Variants in SPAG16 observed in about 807,000 individuals in gnomAD.
SPAG16 encodes sperm associated antigen 16.
In SPAG16, 86 loss-of-function variants were observed where a neutral mutation model predicts 80.4. The observed-to-expected ratio is 1.07, with a 90% CI of 0.90 to 1.28. The LOEUF is 1.28. Ranked by LOEUF, SPAG16 falls within the 50% of genes most tolerant of loss-of-function variation. SPAG16 has a pLI of 0.00. For missense variants in SPAG16, 870 were observed against 765.3 expected, an observed-to-expected ratio of 1.14 and a Z score of -1.61; for synonymous variants, 294 against 265.9, an observed-to-expected ratio of 1.11 and a Z score of -1.03.
rs111464292 is a variant in SPAG16 at position 213,556,673 on chromosome 2, A to C, written c.1070+66583A>C. On this transcript the variant is annotated intron_variant, in intron 10 of 15. Transcript: ENST00000331683. ...GACTTCAATATCCAACTTTCAACAAAGAATACATCATCCAGACTAGAAAAA... is the reference window on the plus strand; with the variant it reads ...GACTTCAATATCCAACTTTCAACAACGAATACATCATCCAGACTAGAAAAA... 7.9e-4 allele frequency among the ~76,000 whole-genome samples: 120 copies of C among 152,274 alleles called. 2 individuals carry two copies. The highest frequency in any genetic ancestry group is 3.4e-3 in the Middle Eastern group (1 of 294).
intron 14 of SPAG16, among the ~76,000 whole-genome samples, chr2:214,131,168 G>A (rs1479111788): frequency 6.6e-6 from 1 of 151,982 alleles, no homozygotes; most frequent in African/African-American, 2.4e-5. Flanking sequence ...ACTTCTGAGA[G>A]TTTGACAACA....
intron 10 of SPAG16, among the ~76,000 whole-genome samples, chr2:213,840,933 A>G (rs527453601): frequency 7.0e-4 from 107 of 152,340 alleles, no homozygotes; most frequent in African/African-American, 2.5e-3. Flanking sequence ...GAATAAAGCC[A>G]TGCTGAGGCC....
intron 15 of SPAG16, among the ~76,000 whole-genome samples, chr2:214,331,306 G>A (rs774377017): frequency 7.2e-5 from 11 of 152,258 alleles, no homozygotes; most frequent in South Asian, 2.1e-4. Context: ...AGCTCTTCCT[G>A]ATCATCAAGG....
chr2:213,688,739 A>AT (rs921506457), intron 10 of SPAG16, among the ~76,000 whole-genome samples: 19 of 150,858 alleles, frequency 1.3e-4, no homozygotes, highest in East Asian at 5.8e-4. Flanking sequence ...TGCTCTGTTA[A>AT]TTTTTTTTTC....
chr2:213,290,786 A>G (rs2062236946), intron 1 of SPAG16, among the ~76,000 whole-genome samples: 1 of 152,206 alleles, frequency 6.6e-6, no homozygotes, highest in Non-Finnish European at 1.5e-5. Flanking sequence ...GAGTGTACAG[A>G]GTTTTATCAT....
intron 10 of SPAG16, among the ~76,000 whole-genome samples, chr2:213,661,740 T>C (rs770450524): frequency 3.9e-5 from 6 of 152,218 alleles, no homozygotes; most frequent in Non-Finnish European, 7.4e-5. Flanking sequence ...TTAATGATAA[T>C]GTTATTGTTT....
chr2:214,248,472 C>T (rs984534810), intron 15 of SPAG16, among the ~76,000 whole-genome samples: 3 of 151,866 alleles, frequency 2.0e-5, no homozygotes, highest in African/African-American at 7.3e-5. Flanking sequence ...CGTGTGACAC[C>T]ACACCCAGCT....
intron 9 of SPAG16, among the ~76,000 whole-genome samples, chr2:213,444,868 T>G (rs1397645509): frequency 6.6e-6 from 1 of 152,052 alleles, no homozygotes; most frequent in Non-Finnish European, 1.5e-5. Flanking sequence ...ACCCAAACAG[T>G]ATGGTACTGG....
chr2:214,101,083 G>T (rs1022991403), intron 13 of SPAG16, among the ~76,000 whole-genome samples: 1 of 148,554 alleles, frequency 6.7e-6, no homozygotes, highest in Non-Finnish European at 1.5e-5. Context: ...TTTAATTTTG[G>T]CCTAATTTTT....
At chr2:214,019,981 C>T (rs2047777703) in intron 13 of SPAG16, among the ~76,000 whole-genome samples, 1 of 152,146 alleles carries the variant, frequency 6.6e-6, no homozygotes, top group Admixed American at 6.6e-5. Flanking sequence ...TGCCAAAGCT[C>T]ACTGTCTCAA....
chr2:214,052,189 C>T lies in SPAG16; in HGVS notation c.1527+38112C>T, dbSNP rs189665396. On this transcript the variant is annotated intron_variant, in intron 13 of 15. Coordinates refer to ENST00000331683, the MANE Select transcript of SPAG16 (RefSeq NM_024532.5). ...GGCAGCCAATTTAAAAAGCTTCTTA[C>T]GATAGAAGCATTGTCATTGTTCTCC... 2.2e-3 allele frequency among the ~76,000 whole-genome samples: 328 copies of T among 152,302 alleles called. 3 individuals carry two copies. The highest frequency in any genetic ancestry group is 2.5e-3 in the Non-Finnish European group (172 of 68,012).
intron 9 of SPAG16, among the ~76,000 whole-genome samples, chr2:213,481,750 T>C (rs956397385): frequency 2.0e-5 from 3 of 152,218 alleles, no homozygotes; most frequent in Non-Finnish European, 4.4e-5. Flanking sequence ...GAACAGAATA[T>C]TTCTTGCATT....
At chr2:213,557,196 A>G (rs1294775998) in intron 10 of SPAG16, among the ~76,000 whole-genome samples, 1 of 152,134 alleles carries the variant, frequency 6.6e-6, no homozygotes. Context: ...CTGCCAGCTA[A>G]TGGCTATCTC....
intron 1 of SPAG16, among the ~76,000 whole-genome samples, chr2:213,294,957 A>G (rs2126067047): frequency 6.6e-6 from 1 of 152,294 alleles, no homozygotes; most frequent in South Asian, 2.1e-4. Flanking sequence ...ATGAGGATGA[A>G]ATTAGTTAAT....
chr2:213,979,804 A>G (rs572315047), intron 12 of SPAG16, among the ~76,000 whole-genome samples: 1 of 151,936 alleles, frequency 6.6e-6, no homozygotes, highest in South Asian at 2.1e-4. Flanking sequence ...AAAATAGGAT[A>G]CCCTGGAGAT....
intron 10 of SPAG16, among the ~76,000 whole-genome samples, chr2:213,677,638 A>G (rs1321406903): frequency 1.3e-5 from 2 of 152,146 alleles, no homozygotes; most frequent in Admixed American, 6.5e-5. Context: ...GTGATCTACA[A>G]AGAGAATTAG....
chr2:213,662,371 G>T (rs898073665), intron 10 of SPAG16, among the ~76,000 whole-genome samples: 21 of 152,110 alleles, frequency 1.4e-4, no homozygotes, highest in African/African-American at 5.1e-4. Flanking sequence ...GGAACTAAAA[G>T]AAGGCCAGTG....
At chr2:214,110,189 T>C (rs1214768703) in intron 14 of SPAG16, among the ~76,000 whole-genome samples, 2 of 152,304 alleles carry the variant, frequency 1.3e-5, no homozygotes, top group East Asian at 3.9e-4. Flanking sequence ...GTGCACAACA[T>C]GCAGGTTTGT....
intron 13 of SPAG16, among the ~76,000 whole-genome samples, chr2:214,050,723 C>T (rs892831613): frequency 3.3e-5 from 5 of 152,056 alleles, no homozygotes; most frequent in African/African-American, 9.7e-5. Context: ...TACAGTCAGC[C>T]CTTTGTGTCC....
Sources: gnomAD v4.1 joint callset for allele counts (sites outside exome capture counted in the v4.1 genomes callset) on GRCh38, gnomAD v4.1.1 for gene constraint, MANE v1.5 for transcripts, NCBI Gene and HGNC (gene_info 2026-07-23, HGNC 2026-07-21) for gene names.